The following PDE1A variants were observed in gnomAD, a reference collection of about 807,000 sequenced individuals.
PDE1A encodes the protein phosphodiesterase 1A.
In PDE1A, 35 loss-of-function variants were observed where a neutral mutation model predicts 61.7. The observed-to-expected ratio is 0.57, with a 90% CI of 0.43 to 0.75. The LOEUF (loss-of-function observed/expected upper bound fraction) is 0.75. Ranked by LOEUF, PDE1A falls within the 30% of genes least tolerant of loss-of-function variation. The pLI, the probability that PDE1A is intolerant of heterozygous loss-of-function variation, is 0.00. For missense variants in PDE1A, 597 were observed against 630.6 expected, an observed-to-expected ratio of 0.95 and a Z score of 0.57; for synonymous variants, 232 against 213.2, an observed-to-expected ratio of 1.09 and a Z score of -0.77.
At chr2:182,589,943 G>C in the PDE1A span, among the ~76,000 whole-genome samples, 1 of 152,152 alleles carries the variant, frequency 6.6e-6, no homozygotes, top group African/African-American at 2.4e-5. Context: ...TCCTAACCAC[G>C]CTATTAGCTT....
chr2:182,313,946 A>T (rs1696165935), intron 1 of PDE1A, among the ~76,000 whole-genome samples: 1 of 152,214 alleles, frequency 6.6e-6, no homozygotes, highest in South Asian at 2.1e-4. Context: ...AGGAATACAA[A>T]ATGAAGCAGT....
At chr2:182,533,655 TG>T in the PDE1A span, among the ~76,000 whole-genome samples, 1 of 152,256 alleles carries the variant, frequency 6.6e-6, no homozygotes, top group South Asian at 2.1e-4. Context: ...GATATAAAAG[TG>T]TAAGTATAAT....
the PDE1A span, among the ~76,000 whole-genome samples, chr2:182,574,296 G>A: frequency 2.0e-5 from 3 of 151,990 alleles, no homozygotes; most frequent in African/African-American, 7.3e-5. Flanking sequence ...ATCTCCTTTG[G>A]CAACACCCTC....
At chr2:182,231,911 T>A (rs776808145) in intron 4 of PDE1A, among the ~76,000 whole-genome samples, 8 of 152,094 alleles carry the variant, frequency 5.3e-5, no homozygotes, top group African/African-American at 9.7e-5. Context: ...TGAGACTCCA[T>A]CTCCAAAAAG....
chr2:182,206,124 A>G (rs756866369), intron 7 of PDE1A, 59 bp from the exon 8 acceptor site: 12 of 1,426,728 alleles, frequency 8.4e-6, no homozygotes, highest in Non-Finnish European at 1.1e-5. Flanking sequence ...TGAATGTCTA[A>G]TAAGACTTAC....
At chr2:182,320,530 A>C (rs1696633543) in intron 1 of PDE1A, among the ~76,000 whole-genome samples, 1 of 152,216 alleles carries the variant, frequency 6.6e-6, no homozygotes, top group Admixed American at 6.5e-5. Context: ...TCTGGAACAG[A>C]AAAAACATTT....
intron 1 of PDE1A, among the ~76,000 whole-genome samples, chr2:182,266,312 TG>T (rs1430556603): frequency 1.3e-5 from 2 of 152,034 alleles, no homozygotes; most frequent in African/African-American, 4.8e-5. Context: ...ACACCAAATG[TG>T]GTTATAATGG....
chr2:182,657,052 C>A, the PDE1A span, among the ~76,000 whole-genome samples: 6 of 152,172 alleles, frequency 3.9e-5, no homozygotes, highest in South Asian at 1.2e-3. Flanking sequence ...GTGAAACCCC[C>A]TCTCTACTAA....
chr2:182,264,475 A>C, intron 1 of PDE1A, 61 bp from the exon 2 acceptor site: 1 of 1,155,752 alleles, frequency 8.7e-7, no homozygotes, highest in South Asian at 1.3e-5. Flanking sequence ...CTATATGGAA[A>C]ATAGTACAGT....
chr2:182,155,942 T>G (rs370850189), intron 13 of PDE1A, among the ~76,000 whole-genome samples: 1 of 152,030 alleles, frequency 6.6e-6, no homozygotes, highest in East Asian at 1.9e-4. Flanking sequence ...GTGAAGATAA[T>G]TGAATCATGG....
chr2:182,186,505 C>A (rs1445690781), exon 12 of PDE1A: 1 of 1,612,254 alleles, frequency 6.2e-7, no homozygotes, highest in Non-Finnish European at 8.5e-7. Flanking sequence ...GCTTTTGAGG[C>A]TTCCTCTATA....
chr2:182,548,919 A>T, the PDE1A span, among the ~76,000 whole-genome samples: 1 of 152,254 alleles, frequency 6.6e-6, no homozygotes, highest in Non-Finnish European at 1.5e-5. Context: ...ATTTTTGATA[A>T]TCACAATTTG....
intron 1 of PDE1A, among the ~76,000 whole-genome samples, chr2:182,345,704 T>TC (rs1388893700): frequency 6.6e-6 from 1 of 152,116 alleles, no homozygotes; most frequent in African/African-American, 2.4e-5. Flanking sequence ...GGAATACTCT[T>TC]CCCCCAGGTT....
At chr2:182,598,643 T>C in the PDE1A span, among the ~76,000 whole-genome samples, 1 of 151,998 alleles carries the variant, frequency 6.6e-6, no homozygotes, top group African/African-American at 2.4e-5. Context: ...CCATGTTCTA[T>C]ACTCCCTATC....
chr2:182,350,792 G>C (rs1380171207), intron 1 of PDE1A, among the ~76,000 whole-genome samples: 3 of 152,118 alleles, frequency 2.0e-5, no homozygotes, highest in Admixed American at 2.0e-4. Flanking sequence ...GACCAAGGTA[G>C]AGTCCCCCAG....
At chr2:182,498,937 C>T (rs1574805651) in intron 2 of PDE1A, among the ~76,000 whole-genome samples, 2 of 151,570 alleles carry the variant, frequency 1.3e-5, no homozygotes, top group East Asian at 2.0e-4. Context: ...AGCGAGACTC[C>T]ATCTCAAAAT....
At chr2:182,196,869 A>G (rs1388991151) in intron 10 of PDE1A, among the ~76,000 whole-genome samples, 1 of 151,786 alleles carries the variant, frequency 6.6e-6, no homozygotes, top group Non-Finnish European at 1.5e-5. Flanking sequence ...TTTTTTAAGT[A>G]GTAGTATAAT....
At chr2:182,164,678 G>C (rs1479252717), downstream of PDE1A, among the ~76,000 whole-genome samples, 3 of 152,090 alleles carry the variant, frequency 2.0e-5, no homozygotes, top group African/African-American at 7.2e-5. Flanking sequence ...CACCAAGAGT[G>C]ATCTGGCTAC....
intron 1 of PDE1A, among the ~76,000 whole-genome samples, chr2:182,404,755 C>T (rs1254385149): frequency 6.6e-6 from 1 of 151,976 alleles, no homozygotes; most frequent in Non-Finnish European, 1.5e-5. Context: ...ATATCTTGTC[C>T]CCATGGAAGT....
Sources: allele counts gnomAD v4.1 joint callset (sites outside exome capture counted in the v4.1 genomes callset), GRCh38; gene constraint gnomAD v4.1.1; transcripts MANE v1.5; gene names NCBI Gene and HGNC (gene_info 2026-07-23, HGNC 2026-07-21).